Variants in CIBAR2 observed in about 807,000 individuals in gnomAD.
CIBAR2 encodes the protein CBY1 interacting BAR domain containing 2, also known as CBY1-interacting BAR domain-containing protein 2.
Under a neutral mutation model 36.2 loss-of-function variants are expected in CIBAR2, and 38 were observed. The observed-to-expected ratio is 1.05, with a 90% CI of 0.81 to 1.38. CIBAR2 has a LOEUF of 1.38. CIBAR2 is among the 40% of genes most tolerant of loss of function. The pLI, the probability that CIBAR2 is intolerant of heterozygous loss-of-function variation, is 0.00. For missense variants in CIBAR2, 481 were observed against 383.4 expected, an observed-to-expected ratio of 1.25 and a Z score of -2.13; for synonymous variants, 182 against 149.5, an observed-to-expected ratio of 1.22 and a Z score of -1.58.
chr16:85,110,485 C>G (rs779687888), intron 1 of CIBAR2, 25 bp from the exon 2 acceptor site: 1 of 1,540,772 alleles, frequency 6.5e-7, no homozygotes, highest in Non-Finnish European at 8.8e-7. Context: ...ACCTGAGCAG[C>G]CATTCTGGGC....
chr16:85,104,858 C>T (rs1420701478), intron 6 of CIBAR2, among the ~76,000 whole-genome samples: 1 of 152,190 alleles, frequency 6.6e-6, no homozygotes. Flanking sequence ...TTTGTAAGAG[C>T]TGGGGCTCTG....
At position 85,100,005 on chromosome 16, in the gene CIBAR2, C is replaced by T. The variant is rs2073942610; in HGVS notation, c.753+134G>A. ...GGGCAGCCCTCCATGCTCCCACCAC[C>T]CCTGCCTCCTCAGCCTCCCATTTCA... On this transcript the variant is annotated intron_variant, in intron 8 of 8. Coordinates refer to ENST00000539556, the MANE Select transcript of CIBAR2 (RefSeq NM_198491.3). 5.8e-6 allele frequency: 4 copies of T among 690,816 alleles called. No individual in the cohort carries two copies. The Admixed American group carries it at 1.1e-4, about 19-fold the overall frequency. The allele number at this position is 690,816 out of a possible 1,614,324, so 42.8% of individuals were successfully genotyped here.
rs2073931653 is a variant in CIBAR2, at chr16:85,098,882, G to A, written c.*303C>T. 1 of 257,646 alleles carries A rather than the reference G, an allele frequency of 3.9e-6. No homozygotes were observed. The highest frequency in any genetic ancestry group is 1.2e-4 in the East Asian group (1 of 8,178). 16.0% of individuals were successfully genotyped at this position (257,646 alleles called of 1,614,324 possible). On this transcript the variant is annotated 3_prime_UTR_variant, in exon 9 of 9. Coordinates refer to ENST00000539556, the MANE Select transcript of CIBAR2 (RefSeq NM_198491.3). ...GGACTCTAAGGCACAGAGAGGCTAG[G>A]AGACTTTCCCAAGGTCACACCGCCG...
rs764104108 is a variant in CIBAR2 at position 85,102,303 on chromosome 16, T to C, written c.562A>G (p.Ile188Val). ...GCTTTGGCATGGAAAACCATCTCAA[T>C]AGTTACAAAGTCACAAAAAAATTTC... is the stretch of plus-strand genomic sequence containing the variant. ...LQKFFCDFVT[I>V]EMVFHAKAVE... is the part of the protein sequence containing the mutation. The change falls in exon 7 of 9, where the codon ATT (isoleucine) becomes GTT (valine). Residue 188 changes from isoleucine (I) to valine (V), a missense_variant. Transcript: ENST00000539556. 4.8e-5 allele frequency: 77 copies of C among 1,612,702 alleles called. No homozygotes were observed. In the Middle Eastern group the frequency reaches 4.9e-4, roughly 10 times the overall value.
Position 85,102,254 on chromosome 16 carries a change from A to T in CIBAR2, c.611T>A (p.Phe204Tyr). ...AKAVEVYSSAFQTLEKYDLER... is the reference protein window; with the variant it reads ...AKAVEVYSSAYQTLEKYDLER... ...CAGGTCATACTTCTCCAGGGTCTGG[A>T]AGGCGCTAGAATACACCTCCACCGC... is the stretch of plus-strand genomic sequence containing the variant. The change falls in exon 7 of 9, where the codon TTC becomes TAC. Residue 204 changes from phenylalanine (F) to tyrosine (Y), a missense_variant. Phe to Tyr is a conservative substitution (Grantham distance 22, BLOSUM62 3). Coordinates refer to ENST00000539556, the MANE Select transcript of CIBAR2 (RefSeq NM_198491.3). 1 of 1,613,070 alleles carries T rather than the reference A, an allele frequency of 6.2e-7. No homozygotes were observed. Among genetic ancestry groups the T allele is most frequent in the Non-Finnish European group, 8.5e-7 (1 of 1,179,030 alleles).
intron 2 of CIBAR2, 101 bp downstream of exon 2, chr16:85,110,125 T>A (rs1239548439): frequency 1.2e-6 from 1 of 830,652 alleles, no homozygotes; most frequent in Admixed American, 2.6e-5. Context: ...ACACACCCAT[T>A]GGCTGTGGCC....
At chr16:85,112,227 C>T (rs982062776) in intron 1 of CIBAR2, 106 bp downstream of exon 1, 76 of 1,014,304 alleles carry the variant, frequency 7.5e-5, no homozygotes, top group Non-Finnish European at 1.1e-4. Flanking sequence ...ACCCCCAACC[C>T]CCACCCCAAG....
At chr16:85,112,251 T>G (rs1367339676) in intron 1 of CIBAR2, 82 bp downstream of exon 1, 4 of 1,112,240 alleles carry the variant, frequency 3.6e-6, no homozygotes, top group Non-Finnish European at 2.7e-6. Context: ...CAGGCCCTGC[T>G]GCCCTCATCT....
At chr16:85,105,468 G>T in intron 5 of CIBAR2, 37 bp from the exon 6 acceptor site, 1 of 1,510,988 alleles carries the variant, frequency 6.6e-7, no homozygotes, top group South Asian at 1.1e-5. Context: ...AAGTGTCATG[G>T]GGGTGCTTCT....
intron 5 of CIBAR2, among the ~76,000 whole-genome samples, chr16:85,106,741 G>A (rs2073998883): frequency 6.6e-6 from 1 of 152,184 alleles, no homozygotes; most frequent in Non-Finnish European, 1.5e-5. Flanking sequence ...AGAGTCCGTC[G>A]TCATTTTTCA....
chr16:85,105,741 A>G (rs768158893), intron 5 of CIBAR2, among the ~76,000 whole-genome samples: 6 of 152,224 alleles, frequency 3.9e-5, no homozygotes, highest in Non-Finnish European at 5.9e-5. Flanking sequence ...GGGCTGTTGT[A>G]GAAATTAAAC....
At chr16:85,107,732 GC>G (rs1597670085) in intron 4 of CIBAR2, 60 bp from the exon 5 acceptor site, 1 of 1,604,388 alleles carries the variant, frequency 6.2e-7, no homozygotes, top group East Asian at 2.2e-5. Context: ...GGGGTGGTCC[GC>G]CCCCTTCACA....
chr16:85,105,180 G>T, intron 6 of CIBAR2, 147 bp downstream of exon 6: 1 of 533,364 alleles, frequency 1.9e-6, no homozygotes, highest in Non-Finnish European at 3.4e-6. Context: ...GTGGGCATAA[G>T]CTCACTCACG....
Position 85,112,430 on chromosome 16 carries a change from C to G in CIBAR2, c.-78G>C. The G allele has an allele frequency of 2.1e-6, 3 of 1,455,582 alleles. No individual in the cohort carries two copies. The highest frequency in any genetic ancestry group is 2.9e-6 in the Non-Finnish European group (3 of 1,037,194). The allele number at this position is 1,455,582 out of a possible 1,614,324, so 90.2% of individuals were successfully genotyped here. A position where few individuals can be genotyped will look rare whatever the true frequency, so the allele number is the denominator to read the frequency against. On this transcript the variant is annotated 5_prime_UTR_variant, in exon 1 of 9. Coordinates refer to ENST00000539556, the MANE Select transcript of CIBAR2 (RefSeq NM_198491.3). ...GGGGTCCTGCAGGCCTGGGAGGAGC[C>G]GGGCAGGGCTGGGTGCAGCTGTGTG...
chr16:85,100,818 C>T (rs1161173592), intron 7 of CIBAR2, among the ~76,000 whole-genome samples: 3 of 152,070 alleles, frequency 2.0e-5, no homozygotes, highest in South Asian at 2.1e-4. Context: ...GAGGCCGAGG[C>T]GGGCAGATCA....
intron 6 of CIBAR2, among the ~76,000 whole-genome samples, chr16:85,102,813 G>A (rs902122122): frequency 3.3e-5 from 5 of 152,008 alleles, no homozygotes; most frequent in African/African-American, 4.8e-5. Context: ...CCTTAGATAA[G>A]CCAGTATTCT....
At chr16:85,110,680 T>C (rs942633771) in intron 1 of CIBAR2, among the ~76,000 whole-genome samples, 5 of 148,074 alleles carry the variant, frequency 3.4e-5, no homozygotes, top group South Asian at 2.1e-4. Context: ...GGAATATAAA[T>C]GCGGGCTTGG....
Position 85,112,327 on chromosome 16 carries a change from A to G in CIBAR2, c.20+6T>C. 1 of 1,612,236 alleles carries G rather than the reference A, an allele frequency of 6.2e-7. No individual in the cohort carries two copies. Among genetic ancestry groups the G allele is most frequent in the Non-Finnish European group, 8.5e-7 (1 of 1,179,130 alleles). Reference sequence around the variant, plus strand: ...CTCACAGCCAGGCTGGCGCTGGCCCACTCACCTGGAGAAGACGATGTTCAT... The same window carrying G: ...CTCACAGCCAGGCTGGCGCTGGCCCGCTCACCTGGAGAAGACGATGTTCAT... On this transcript the variant is annotated splice_donor_region_variant and intron_variant, in intron 1 of 8. Transcript: ENST00000539556.
At position 85,102,332 on chromosome 16, in the gene CIBAR2, G is replaced by A; in HGVS notation, c.538-5C>T. 1 of 1,567,934 alleles carries A rather than the reference G, an allele frequency of 6.4e-7. No individual in the cohort carries two copies. Among genetic ancestry groups the A allele is most frequent in the Non-Finnish European group, 8.8e-7 (1 of 1,138,142 alleles). Reference sequence around the variant, plus strand: ...TACAAAGTCACAAAAAAATTTCTGTGGGGAGAGAAACCCAAAGAATGTAAG... The same window carrying A: ...TACAAAGTCACAAAAAAATTTCTGTAGGGAGAGAAACCCAAAGAATGTAAG... On this transcript the variant is annotated splice_polypyrimidine_tract_variant and splice_region_variant and intron_variant, in intron 6 of 8. Transcript: ENST00000539556.
Sources: allele counts gnomAD v4.1 joint callset (sites outside exome capture counted in the v4.1 genomes callset), GRCh38; gene constraint gnomAD v4.1.1; transcripts MANE v1.5; gene names NCBI Gene and HGNC (gene_info 2026-07-23, HGNC 2026-07-21).